The following DNAH14 variants were observed in gnomAD, a reference collection of about 807,000 sequenced individuals.
DNAH14 encodes dynein axonemal heavy chain 14, also known as axonemal beta dynein heavy chain 14.
Under a neutral mutation model 520.9 loss-of-function variants are expected in DNAH14, and 478 were observed. The ratio of observed to expected loss-of-function variants is 0.92; its 90% CI spans 0.85 to 0.99. The LOEUF (loss-of-function observed/expected upper bound fraction) is 0.99, where lower values mean the gene tolerates loss of function less well. DNAH14 is among the 50% of genes least tolerant of loss of function. DNAH14 has a pLI of 0.00. For missense variants in DNAH14, 4,831 were observed against 5,234.5 expected, an observed-to-expected ratio of 0.92 and a Z score of 2.38; for synonymous variants, 1,581 against 1,757.2, an observed-to-expected ratio of 0.90 and a Z score of 2.51.
Position 225,307,474 on chromosome 1 carries a change from A to T in DNAH14, c.9019A>T (p.Met3007Leu). ...EMQTKRDRFH[M>L]GLSTILEATT... ...TTCTTCCTTCAGGGATCGCTTCCAT[A>T]TGGGTCTATCCACAATCCTGGAAGC... Residue 3007 changes from methionine (M) to leucine (L), a missense_variant, in exon 59 of 86, where the codon ATG becomes TTG. By Grantham distance (15) the Met-to-Leu change is conservative (BLOSUM62 2). Transcript: ENST00000682510. 1 of 1,542,702 alleles carries T rather than the reference A, an allele frequency of 6.5e-7. No individual in the cohort carries two copies. Among genetic ancestry groups the T allele is most frequent in the Non-Finnish European group, 8.7e-7 (1 of 1,144,166 alleles).
chr1:225,168,540 G>C (rs1478794765), intron 36 of DNAH14, among the ~76,000 whole-genome samples: 3 of 152,232 alleles, frequency 2.0e-5, no homozygotes, highest in Non-Finnish European at 4.4e-5. Context: ...TACCCACGGA[G>C]CCTCACTCAT....
Position 225,192,904 on chromosome 1 carries a change from T to C in DNAH14, c.5879T>C (p.Leu1960Ser). Residue 1960 changes from leucine (L) to serine (S), a missense_variant, in exon 38 of 86, where the codon TTA becomes TCA. Leu to Ser is a moderately radical substitution (Grantham distance 145, BLOSUM62 -2). Transcript: ENST00000682510. ...DLRLKSRISD[L>S]SNVFKLDSSD... ...AGACTAAAGTCAAGAATCTCAGATT[T>C]ATCCAATGTAAGTTTAGTATTGAAT... is the stretch of plus-strand genomic sequence containing the variant. 1 of 1,545,832 alleles carries C rather than the reference T, an allele frequency of 6.5e-7. No homozygotes were observed. Among genetic ancestry groups the C allele is most frequent in the Non-Finnish European group, 8.7e-7 (1 of 1,143,128 alleles).
intron 82 of DNAH14, among the ~76,000 whole-genome samples, 163 bp downstream of exon 82, chr1:225,388,654 C>T (rs2095868965): frequency 6.6e-6 from 1 of 152,118 alleles, no homozygotes; most frequent in Non-Finnish European, 1.5e-5. Flanking sequence ...AAGTGGGGAC[C>T]TAAGATGCTG....
intron 1 of DNAH14, among the ~76,000 whole-genome samples, chr1:224,933,183 T>C (rs367998617): frequency 6.6e-5 from 10 of 152,210 alleles, no homozygotes; most frequent in African/African-American, 2.2e-4. Context: ...TTTTCTTTTG[T>C]GGCTATTGTA....
At chr1:225,096,475 A>T (rs527841813) in intron 21 of DNAH14, among the ~76,000 whole-genome samples, 1 of 152,278 alleles carries the variant, frequency 6.6e-6, no homozygotes, top group South Asian at 2.1e-4. Context: ...TGGTTTCCAA[A>T]TAAGCCTTTT....
chr1:225,341,810 C>T (rs1174647833), intron 69 of DNAH14, among the ~76,000 whole-genome samples: 1 of 152,112 alleles, frequency 6.6e-6, no homozygotes, highest in Non-Finnish European at 1.5e-5. Context: ...GATGTATGCC[C>T]CTAAGTCAAC....
intron 55 of DNAH14, among the ~76,000 whole-genome samples, chr1:225,290,963 A>G (rs1022668838): frequency 1.3e-5 from 2 of 151,838 alleles, no homozygotes; most frequent in South Asian, 4.2e-4. Context: ...GGTTAGTAGA[A>G]CTTATTCCTC....
chr1:225,054,237 A>G (rs2068822119), intron 17 of DNAH14, among the ~76,000 whole-genome samples: 1 of 152,298 alleles, frequency 6.6e-6, no homozygotes, highest in South Asian at 2.1e-4. Flanking sequence ...AGCTAATTAC[A>G]TACCCACCTT....
intron 49 of DNAH14, among the ~76,000 whole-genome samples, chr1:225,267,943 T>C (rs2093178759): frequency 6.6e-6 from 1 of 152,026 alleles, no homozygotes; most frequent in South Asian, 2.1e-4. Context: ...AAATAGGGTC[T>C]GGAATGCCCA....
At chr1:225,022,116 G>C (rs1438301037) in intron 10 of DNAH14, among the ~76,000 whole-genome samples, 1 of 152,164 alleles carries the variant, frequency 6.6e-6, no homozygotes. Context: ...ATGGATTAAA[G>C]ACTTAAATGT....
rs56104945 is a variant in DNAH14, at chr1:225,362,574, C to CAAAAA, written c.11987+1694_11987+1698dup. On this transcript the variant is annotated intron_variant, in intron 75 of 85. Transcript: ENST00000682510. ...TGGGCAACTGAGGAAGACTCAGTCT[C>CAAAAA]AAAAAAAAAAAAAAATGCTCAGCAT... 1.2e-3 allele frequency among the ~76,000 whole-genome samples: 140 copies of CAAAAA among 120,940 alleles called. 2 individuals are homozygous for CAAAAA. The East Asian group carries it at 0.016, about 14-fold the overall frequency. The allele number at this position is 120,940 out of a possible 152,430, so 79.3% of individuals were successfully genotyped here.
Position 225,374,766 on chromosome 1 carries a change from G to GA in DNAH14, c.12399dup (p.Val4134SerfsTer9), listed in dbSNP as rs1558563950. On this transcript the variant is annotated frameshift_variant, in exon 78 of 86. Transcript: ENST00000682510. LOFTEE classifies it high-confidence loss of function. ...GCAAGCACTGCGCTACCTGATTGGA[G>GA]AAGTGATTTACGGTGGCCGGGTGAT... 6.4e-7 allele frequency: 1 copy of GA among 1,551,644 alleles called. No homozygotes were observed. The highest frequency in any genetic ancestry group is 1.4e-5 in the African/African-American group (1 of 73,148).
intron 8 of DNAH14, among the ~76,000 whole-genome samples, chr1:224,981,574 A>G (rs1038500803): frequency 6.6e-6 from 1 of 152,166 alleles, no homozygotes; most frequent in Admixed American, 6.6e-5. Context: ...TTCTATGCGT[A>G]AAGGTATTCA....
At chr1:225,132,067 G>A (rs569058773) in intron 27 of DNAH14, among the ~76,000 whole-genome samples, 59 of 152,212 alleles carry the variant, frequency 3.9e-4, no homozygotes, top group African/African-American at 1.4e-3. Context: ...ATTTAAAAAA[G>A]TGAGTGGTCA....
At chr1:225,115,744 T>C (rs1244217023) in intron 23 of DNAH14, among the ~76,000 whole-genome samples, 1 of 152,234 alleles carries the variant, frequency 6.6e-6, no homozygotes, top group African/African-American at 2.4e-5. Context: ...ATCTTTAGAC[T>C]ATTACTGAGG....
chr1:224,978,671 C>T (rs1230056033), intron 8 of DNAH14, among the ~76,000 whole-genome samples: 1 of 152,198 alleles, frequency 6.6e-6, no homozygotes, highest in South Asian at 2.1e-4. Flanking sequence ...GACAGAGTCT[C>T]ACTCTTGCCC....
chr1:225,129,366 C>A (rs911600417), intron 27 of DNAH14, among the ~76,000 whole-genome samples: 1 of 151,844 alleles, frequency 6.6e-6, no homozygotes, highest in South Asian at 2.1e-4. Flanking sequence ...CCAAGTCAAT[C>A]CTAAGCCAAA....
chr1:225,340,365 C>T, intron 68 of DNAH14, 92 bp from the exon 69 acceptor site: 1 of 1,337,486 alleles, frequency 7.5e-7, no homozygotes, highest in Middle Eastern at 2.1e-4. Context: ...TTGTGTACTT[C>T]CAGGAAAAAT....
At chr1:225,345,094 G>C (rs2095266430) in intron 69 of DNAH14, among the ~76,000 whole-genome samples, 1 of 152,102 alleles carries the variant, frequency 6.6e-6, no homozygotes, top group East Asian at 1.9e-4. Flanking sequence ...GGTAGGGTGA[G>C]TACTGTGAGA....
Sources: allele counts gnomAD v4.1 joint callset (sites outside exome capture counted in the v4.1 genomes callset), GRCh38; gene constraint gnomAD v4.1.1; transcripts MANE v1.5; gene names NCBI Gene and HGNC (gene_info 2026-07-23, HGNC 2026-07-21).